Variants in DSCAM observed in about 807,000 individuals in gnomAD.
DSCAM encodes DS cell adhesion molecule.
A neutral mutation model predicts 217.7 loss-of-function variants in DSCAM; 47 were observed. The ratio of observed to expected loss-of-function variants is 0.22; its 90% CI spans 0.17 to 0.28. DSCAM has a LOEUF of 0.28. Among genes scored for constraint, DSCAM ranks in the 10% least tolerant of loss-of-function variants. The pLI, the probability that DSCAM is intolerant of heterozygous loss-of-function variation, is 1.00. For synonymous variants in DSCAM, 1,056 were observed against 1,015.3 expected, an observed-to-expected ratio of 1.04 and a Z score of -0.76; for missense variants, 2,080 against 2,618.3, an observed-to-expected ratio of 0.79 and a Z score of 4.49.
chr21:40,334,408 T>A (rs1203837762), intron 8 of DSCAM, among the ~76,000 whole-genome samples: 1 of 152,196 alleles, frequency 6.6e-6, no homozygotes, highest in Admixed American at 6.5e-5. Flanking sequence ...AAGCCTGACC[T>A]GATCCTTGAT....
rs368247602 is a variant in DSCAM, at chr21:40,839,189, C to T, written c.43+7430G>A. ...AATAACATTTGTGTCAATCACAAAG[C>T]CTGGGGTGATATTGTCTGCCCGACA... is the stretch of plus-strand genomic sequence containing the variant. On this transcript the variant is annotated intron_variant, in intron 1 of 32. Coordinates refer to ENST00000400454, the MANE Select transcript of DSCAM (RefSeq NM_001389.5). Among the ~76,000 whole-genome samples the T allele has an allele frequency of 3.3e-5, 5 of 152,236 alleles. No individual in the cohort carries two copies. In the East Asian group the frequency reaches 7.7e-4, roughly 24 times the overall value.
intron 3 of DSCAM, among the ~76,000 whole-genome samples, chr21:40,566,208 C>T (rs1325136033): frequency 2.0e-5 from 3 of 152,036 alleles, no homozygotes; most frequent in East Asian, 1.9e-4. Flanking sequence ...GCACTGTTGA[C>T]GCTCAGAAAC....
At chr21:40,075,253 G>T (rs1176179342) in intron 26 of DSCAM, 40 bp from the exon 27 acceptor site, 7 of 1,609,080 alleles carry the variant, frequency 4.4e-6, no homozygotes, top group Non-Finnish European at 5.1e-6. Context: ...TATTAATGAA[G>T]ACGGCATGGC....
chr21:40,355,727 T>C (rs996618609), intron 4 of DSCAM, among the ~76,000 whole-genome samples: 1 of 152,244 alleles, frequency 6.6e-6, no homozygotes, highest in Non-Finnish European at 1.5e-5. Context: ...GCCATGACTC[T>C]TTTGATCTAC....
chr21:40,461,249 G>C (rs2075803582), intron 3 of DSCAM, among the ~76,000 whole-genome samples: 1 of 152,136 alleles, frequency 6.6e-6, no homozygotes, highest in African/African-American at 2.4e-5. Context: ...CCGAGAAACT[G>C]GTGTTTGCCT....
chr21:40,754,641 C>T (rs2091258557), intron 1 of DSCAM, among the ~76,000 whole-genome samples: 1 of 152,194 alleles, frequency 6.6e-6, no homozygotes, highest in Admixed American at 6.5e-5. Context: ...ATCTCAGGCA[C>T]TTTCACCTGC....
intron 10 of DSCAM, among the ~76,000 whole-genome samples, chr21:40,279,570 T>A (rs2073732571): frequency 6.6e-6 from 1 of 152,190 alleles, no homozygotes; most frequent in East Asian, 1.9e-4. Flanking sequence ...AGTGTGGCAA[T>A]TCCTCAAGGA....
At chr21:40,509,899 C>A (rs1430818091) in intron 3 of DSCAM, among the ~76,000 whole-genome samples, 1 of 152,080 alleles carries the variant, frequency 6.6e-6, no homozygotes, top group African/African-American at 2.4e-5. Flanking sequence ...CCGAGGCAGG[C>A]GGATCACGAG....
At chr21:40,141,442 C>G (rs1293723000) in intron 18 of DSCAM, among the ~76,000 whole-genome samples, 1 of 152,108 alleles carries the variant, frequency 6.6e-6, no homozygotes, top group African/African-American at 2.4e-5. Flanking sequence ...TGGCGAAACC[C>G]CATCTCTACT....
intron 1 of DSCAM, among the ~76,000 whole-genome samples, chr21:40,754,120 G>C (rs2091253357): frequency 6.6e-6 from 1 of 152,194 alleles, no homozygotes; most frequent in African/African-American, 2.4e-5. Flanking sequence ...AGACTCCGCT[G>C]TGGGGAGCAA....
At chr21:40,403,257 A>C (rs1436134386) in intron 3 of DSCAM, among the ~76,000 whole-genome samples, 1 of 152,112 alleles carries the variant, frequency 6.6e-6, no homozygotes, top group Non-Finnish European at 1.5e-5. Flanking sequence ...GAGAATGTAC[A>C]TTTTAAAAGA....
chr21:40,092,817 C>T (rs1205256199), intron 21 of DSCAM, among the ~76,000 whole-genome samples: 1 of 152,148 alleles, frequency 6.6e-6, no homozygotes, highest in Non-Finnish European at 1.5e-5. Flanking sequence ...GTTTATTTCC[C>T]TTACCAACTT....
chr21:40,370,378 T>C (rs1211707113), intron 3 of DSCAM, among the ~76,000 whole-genome samples: 1 of 152,158 alleles, frequency 6.6e-6, no homozygotes, highest in Non-Finnish European at 1.5e-5. Context: ...GTGATTCCAC[T>C]AGAAAGAATG....
chr21:40,116,768 C>T (rs1020033108), intron 20 of DSCAM, among the ~76,000 whole-genome samples: 7 of 151,064 alleles, frequency 4.6e-5, no homozygotes, highest in South Asian at 2.1e-4. Flanking sequence ...TTTGGGAGGC[C>T]GAGGCGGGCG....
intron 8 of DSCAM, among the ~76,000 whole-genome samples, chr21:40,321,285 T>C (rs1428324747): frequency 6.6e-6 from 1 of 152,214 alleles, no homozygotes; most frequent in Non-Finnish European, 1.5e-5. Flanking sequence ...GATTCATGCC[T>C]GCTTGTTCAG....
intron 3 of DSCAM, among the ~76,000 whole-genome samples, chr21:40,625,614 G>T (rs981914045): frequency 1.3e-5 from 2 of 152,132 alleles, no homozygotes; most frequent in Non-Finnish European, 2.9e-5. Flanking sequence ...GGATCCTGCT[G>T]CAGGAGCTGG....
At chr21:40,358,535 G>A (rs9981512) in intron 4 of DSCAM, among the ~76,000 whole-genome samples, 38,160 of 152,016 alleles carry the variant, frequency 0.25, 6,232 homozygotes, top group South Asian at 0.44. Flanking sequence ...GGCCCAGTGC[G>A]GTGACTCACG....
chr21:40,821,498 G>A (rs559015477), intron 1 of DSCAM, among the ~76,000 whole-genome samples: 1 of 151,916 alleles, frequency 6.6e-6, no homozygotes, highest in Admixed American at 6.6e-5. Context: ...GGATTCTGTG[G>A]CAACAGCTTC....
intron 20 of DSCAM, among the ~76,000 whole-genome samples, chr21:40,107,230 C>T (rs2089832378): frequency 2.0e-5 from 3 of 151,906 alleles, no homozygotes; most frequent in South Asian, 2.1e-4. Flanking sequence ...CATTATTTAC[C>T]CCCAAAGTCA....
Sources: allele counts gnomAD v4.1 joint callset (sites outside exome capture counted in the v4.1 genomes callset), GRCh38; gene constraint gnomAD v4.1.1; transcripts MANE v1.5; gene names NCBI Gene and HGNC (gene_info 2026-07-23, HGNC 2026-07-21).